The following MICOS10 variants were observed in gnomAD, a reference collection of about 807,000 sequenced individuals.
MICOS10 encodes the protein mitochondrial contact site and cristae organizing system subunit 10.
Under a neutral mutation model 13.4 loss-of-function variants are expected in MICOS10, and 5 were observed. The observed-to-expected ratio is 0.37, with a 90% confidence interval of 0.20 to 0.78. The LOEUF is 0.78. Ranked by LOEUF, MICOS10 falls within the 30% of genes least tolerant of loss-of-function variation. MICOS10 has a pLI of 0.47. For missense variants in MICOS10, 101 were observed against 94.6 expected (o/e 1.07, Z -0.28); for synonymous variants, 35 against 33.6 (o/e 1.04, Z -0.15).
intron 1 of MICOS10, chr1:19,600,765 C>A (rs925453287): frequency 7.4e-6 from 4 of 538,416 alleles, no homozygotes; most frequent in South Asian, 1.7e-5. Context: ...CCATACCCAT[C>A]TAACTTTTGT....
In MICOS10 at chr1:19,627,732, G is replaced by T. The variant is rs900325915; in HGVS notation, c.*1331G>T. ...TTCAGCATAGCCAGGGTGTGTAGGG[G>T]CAGGGGAAAGGCATGGAGGGGGAGG... is the stretch of plus-strand genomic sequence containing the variant. On this transcript the variant is annotated 3_prime_UTR_variant, in exon 4 of 4. Transcript: ENST00000322753. 2.0e-5 allele frequency: 3 copies of T among 152,358 alleles called. No homozygotes were observed. The highest frequency in any genetic ancestry group is 7.2e-5 in the African/African-American group (3 of 41,428). 9.4% of individuals were successfully genotyped at this position (152,358 alleles called of 1,614,324 possible).
chr1:19,600,827 C>A (rs1395242607), intron 1 of MICOS10: 3 of 1,169,664 alleles, frequency 2.6e-6, no homozygotes, highest in South Asian at 1.3e-5. Context: ...GTCTTGAACT[C>A]AGGGTCCAAA....
intron 1 of MICOS10, among the ~76,000 whole-genome samples, chr1:19,604,677 A>G (rs939263277): frequency 6.6e-6 from 1 of 152,186 alleles, no homozygotes; most frequent in Non-Finnish European, 1.5e-5. Context: ...TATATGTAAT[A>G]GTAATCATTA....
intron 1 of MICOS10, among the ~76,000 whole-genome samples, chr1:19,613,700 G>A (rs1399850327): frequency 1.3e-5 from 2 of 152,200 alleles, no homozygotes; most frequent in Non-Finnish European, 2.9e-5. Context: ...CTAAGGAAAT[G>A]CCCACACATA....
intron 2 of MICOS10, among the ~76,000 whole-genome samples, chr1:19,622,507 G>T (rs1365990075): frequency 3.3e-5 from 5 of 152,192 alleles, no homozygotes; most frequent in Non-Finnish European, 7.3e-5. Flanking sequence ...TGAGAATCCT[G>T]CTGGTAATAG....
chr1:19,607,471 T>C (rs150513884), intron 1 of MICOS10, among the ~76,000 whole-genome samples: 247 of 152,294 alleles, frequency 1.6e-3, no homozygotes, highest in Middle Eastern at 0.014. Context: ...TAAAAGTCAT[T>C]TGGTGTAGTA....
At chr1:19,615,800 C>A (rs1178514610) in intron 1 of MICOS10, among the ~76,000 whole-genome samples, 2 of 151,932 alleles carry the variant, frequency 1.3e-5, no homozygotes, top group Non-Finnish European at 2.9e-5. Flanking sequence ...TGAGATTCTC[C>A]AAGGATAAAG....
At chr1:19,625,447 G>A in intron 3 of MICOS10, 1 of 1,289,406 alleles carries the variant, frequency 7.8e-7, no homozygotes, top group Non-Finnish European at 1.0e-6. Context: ...GGAGAGATGG[G>A]AGTAGGGGAG....
intron 1 of MICOS10, among the ~76,000 whole-genome samples, chr1:19,613,385 A>G (rs1486979836): frequency 6.6e-6 from 1 of 152,218 alleles, no homozygotes; most frequent in Non-Finnish European, 1.5e-5. Flanking sequence ...GATCCTTAGC[A>G]TGGATGGCAT....
chr1:19,603,755 G>A (rs2094824799), intron 1 of MICOS10, among the ~76,000 whole-genome samples: 1 of 152,192 alleles, frequency 6.6e-6, no homozygotes, highest in Admixed American at 6.5e-5. Flanking sequence ...TTCATTGAAT[G>A]GTTAGCTGAA....
intron 1 of MICOS10, chr1:19,617,282 G>A (rs570852471): frequency 1.1e-4 from 113 of 985,228 alleles, no homozygotes; most frequent in African/African-American, 1.1e-3. Context: ...ATGTCCACCC[G>A]AGAAATCCCT....
chr1:19,599,955 T>C (rs1008327182), intron 1 of MICOS10, among the ~76,000 whole-genome samples: 1 of 152,124 alleles, frequency 6.6e-6, no homozygotes, highest in East Asian at 1.9e-4. Flanking sequence ...TGGTGGGTAA[T>C]CATGGGATGG....
intron 1 of MICOS10, among the ~76,000 whole-genome samples, chr1:19,605,175 G>C (rs1196919857): frequency 6.6e-6 from 1 of 152,108 alleles, no homozygotes; most frequent in Non-Finnish European, 1.5e-5. Context: ...TATCCTTTGG[G>C]GTTAAAGGAT....
chr1:19,597,482 C>T (rs1337847154), intron 1 of MICOS10, among the ~76,000 whole-genome samples: 4 of 152,210 alleles, frequency 2.6e-5, no homozygotes, highest in African/African-American at 9.6e-5. Context: ...GGGGAACCGG[C>T]TCAGGAGGCC....
chr1:19,623,598 T>C lies in MICOS10; in HGVS notation c.222+15T>C. 6.5e-7 allele frequency: 1 copy of C among 1,527,356 alleles called. No homozygotes were observed. Among genetic ancestry groups the C allele is most frequent in the South Asian group, 1.1e-5 (1 of 87,954 alleles). The allele number at this position is 1,527,356 out of a possible 1,614,324, so 94.6% of individuals were successfully genotyped here. Reference sequence around the variant, plus strand: ...AATATGTCAAAGTATGTACAGAATATATATTTCTCTTTCCTTCAGAAGAAA... The same window carrying C: ...AATATGTCAAAGTATGTACAGAATACATATTTCTCTTTCCTTCAGAAGAAA... On this transcript the variant is annotated intron_variant, in intron 3 of 3. Coordinates refer to ENST00000322753, the MANE Select transcript of MICOS10 (RefSeq NM_001032363.4).
chr1:19,607,347 T>G (rs940211555), intron 1 of MICOS10, among the ~76,000 whole-genome samples: 1 of 152,278 alleles, frequency 6.6e-6, no homozygotes, highest in Non-Finnish European at 1.5e-5. Context: ...GGCTGTGGTT[T>G]TATGCTTTCC....
Position 19,627,010 on chromosome 1 carries a change from C to T in MICOS10, c.*609C>T, listed in dbSNP as rs1290416104. 6.5e-6 allele frequency: 1 copy of T among 153,940 alleles called. No individual in the cohort carries two copies. The highest frequency in any genetic ancestry group is 1.4e-5 in the Non-Finnish European group (1 of 69,172). The allele number at this position is 153,940 out of a possible 1,614,324, so 9.5% of individuals were successfully genotyped here. On this transcript the variant is annotated 3_prime_UTR_variant, in exon 4 of 4. Transcript: ENST00000322753. ...ATCCTGGCTGTGTGGATGGCCCACT[C>T]CATTGAAGTCAAGTCCTGCAGCTTC...
Position 19,628,499 on chromosome 1 carries a change from T to C in MICOS10, c.*2098T>C, listed in dbSNP as rs113746081. The C allele has an allele frequency of 0.013, 1,912 of 150,624 alleles. 38 individuals are homozygous for C. The highest frequency in any genetic ancestry group is 0.042 in the African/African-American group (1,716 of 41,320). 9.3% of individuals were successfully genotyped at this position (150,624 alleles called of 1,614,324 possible). ...GAGATCAAGACCATCCTGGCCAACA[T>C]TGTAAAACCCTGTCTCTACTAAAAA... On this transcript the variant is annotated 3_prime_UTR_variant, in exon 4 of 4. Coordinates refer to ENST00000322753, the MANE Select transcript of MICOS10 (RefSeq NM_001032363.4).
At chr1:19,621,717 G>A (rs936845484) in intron 1 of MICOS10, among the ~76,000 whole-genome samples, 1 of 152,158 alleles carries the variant, frequency 6.6e-6, no homozygotes, top group Admixed American at 6.5e-5. Flanking sequence ...GACAAGGGGA[G>A]CGTCCTGTTG....
Sources: allele counts gnomAD v4.1 joint callset (sites outside exome capture counted in the v4.1 genomes callset), GRCh38; gene constraint gnomAD v4.1.1; transcripts MANE v1.5; gene names NCBI Gene and HGNC (gene_info 2026-07-23, HGNC 2026-07-21).